The following MYLK3 variants were observed in gnomAD, a reference collection of about 807,000 sequenced individuals.
The protein encoded by MYLK3 is myosin light chain kinase 3.
MYLK3 carries 55 observed loss-of-function variants against 76.3 expected under a neutral mutation model. That is an observed-to-expected ratio of 0.72 (90% CI 0.58 to 0.90). The LOEUF (loss-of-function observed/expected upper bound fraction) is 0.90, where lower values mean the gene tolerates loss of function less well. Among genes scored for constraint, MYLK3 ranks in the 40% least tolerant of loss-of-function variants. The pLI, the probability that MYLK3 is intolerant of heterozygous loss-of-function variation, is 0.00. For synonymous variants in MYLK3, 416 were observed against 425.4 expected (o/e 0.98, Z 0.27); for missense variants, 973 against 1,053.6 (o/e 0.92, Z 1.06).
intron 9 of MYLK3, among the ~76,000 whole-genome samples, chr16:46,717,126 C>A (rs148044291): frequency 6.6e-6 from 1 of 152,212 alleles, no homozygotes; most frequent in South Asian, 2.1e-4. Context: ...GAGGCCTGCA[C>A]TTGTGACCAC....
rs1257372958 is a variant in MYLK3, at chr16:46,704,365, C to T, written c.*3339G>A. On this transcript the variant is annotated 3_prime_UTR_variant, in exon 13 of 13. Transcript: ENST00000394809. ...AAGTGCTGGGATTACAGATGTGAGCCACCATGCCTAGCCTTGACATGTGTT... is the reference window on the plus strand; with the variant it reads ...AAGTGCTGGGATTACAGATGTGAGCTACCATGCCTAGCCTTGACATGTGTT... 2 of 152,210 alleles carry T rather than the reference C, an allele frequency of 1.3e-5. No individual in the cohort carries two copies. The highest frequency in any genetic ancestry group is 6.5e-5 in the Admixed American group (1 of 15,282). The allele number at this position is 152,210 out of a possible 1,614,324, so 9.4% of individuals were successfully genotyped here. A position where few individuals can be genotyped will look rare whatever the true frequency, so the allele number is the denominator to read the frequency against.
At chr16:46,743,646 G>GA (rs765241806) in intron 1 of MYLK3, among the ~76,000 whole-genome samples, 1 of 152,150 alleles carries the variant, frequency 6.6e-6, no homozygotes, top group Non-Finnish European at 1.5e-5. Flanking sequence ...AATGGCACAA[G>GA]AACTCAGAAA....
chr16:46,719,860 T>G (rs2143013541), intron 9 of MYLK3, among the ~76,000 whole-genome samples: 1 of 152,338 alleles, frequency 6.6e-6, no homozygotes, highest in South Asian at 2.1e-4. Context: ...TCAGGCATTT[T>G]AAGAGACTAT....
Position 46,712,794 on chromosome 16 carries a change from G to T in MYLK3, c.1986-18C>A, listed in dbSNP as rs1182289272. The T allele has an allele frequency of 2.6e-6, 4 of 1,567,990 alleles. No individual in the cohort carries two copies. In the East Asian group the frequency reaches 7.0e-5, roughly 28 times the overall value. ...GCTTGTACCTGGGGAGAAGGGGAGG[G>T]TACAAAGAAGCATGGGGTGAGGCCT... On this transcript the variant is annotated intron_variant, in intron 9 of 12. Coordinates refer to ENST00000394809, the MANE Select transcript of MYLK3 (RefSeq NM_182493.3).
chr16:46,739,374 G>T (rs1448289340), intron 2 of MYLK3, among the ~76,000 whole-genome samples: 2 of 152,204 alleles, frequency 1.3e-5, no homozygotes, highest in African/African-American at 2.4e-5. Flanking sequence ...AAAATTAAAG[G>T]TTAAGAAAGT....
At chr16:46,707,795 A>G (rs1966641695) in intron 12 of MYLK3, 32 bp from the exon 13 acceptor site, 1 of 1,552,174 alleles carries the variant, frequency 6.4e-7, no homozygotes, top group South Asian at 1.1e-5. Flanking sequence ...AAGAAAAGAA[A>G]AAGCATGTAT....
chr16:46,733,160 G>A (rs1244199855), intron 3 of MYLK3, among the ~76,000 whole-genome samples: 2 of 152,142 alleles, frequency 1.3e-5, no homozygotes, highest in East Asian at 3.9e-4. Context: ...CCAGGAGTTT[G>A]AGACCAGCCT....
Position 46,738,044 on chromosome 16 carries a change from G to A in MYLK3, c.668C>T (p.Pro223Leu), listed in dbSNP as rs375694298. 9.9e-6 allele frequency: 16 copies of A among 1,610,260 alleles called. No individual in the cohort carries two copies. The highest frequency in any genetic ancestry group is 8.9e-5 in the East Asian group (4 of 44,838). Residue 223 changes from proline (P) to leucine (L), a missense_variant, in exon 3 of 13, where the codon CCG becomes CTG. Physicochemically the swap from Pro to Leu is moderately conservative, Grantham distance 98. Transcript: ENST00000394809. ...GCCAGGAACACCATCTCCCTGGCCC[G>A]GTGAGACCACTGCCTGGGCGGGGTC... The part of the protein sequence containing the change: ...GADPAQAVVS[P>L]GQGDGVPGPA...
intron 9 of MYLK3, among the ~76,000 whole-genome samples, chr16:46,716,531 G>A (rs1966742530): frequency 6.6e-6 from 1 of 150,380 alleles, no homozygotes; most frequent in Admixed American, 6.6e-5. Flanking sequence ...GTGTGTGTGT[G>A]TGTATGTTTA....
chr16:46,714,101 G>C (rs1161335792), intron 9 of MYLK3, among the ~76,000 whole-genome samples: 1 of 152,106 alleles, frequency 6.6e-6, no homozygotes, highest in East Asian at 1.9e-4. Flanking sequence ...AGTGGGAAAG[G>C]GGGGCAAACA....
At chr16:46,751,186 G>C (rs146240633), upstream of MYLK3, among the ~76,000 whole-genome samples, 11 of 152,096 alleles carry the variant, frequency 7.2e-5, no homozygotes, top group East Asian at 1.9e-3. Flanking sequence ...CAAGGCAGGC[G>C]AATCACTTGA....
intron 12 of MYLK3, 121 bp downstream of exon 12, chr16:46,709,418 T>A: frequency 8.9e-7 from 1 of 1,123,020 alleles, no homozygotes; most frequent in South Asian, 1.5e-5. Flanking sequence ...CAAGACCCTG[T>A]CTATAAAAAC....
At chr16:46,731,712 T>C (rs1966852880) in intron 4 of MYLK3, among the ~76,000 whole-genome samples, 1 of 152,176 alleles carries the variant, frequency 6.6e-6, no homozygotes, top group Admixed American at 6.5e-5. Context: ...CCAATTCATG[T>C]CTTCGCTTTT....
chr16:46,742,393 C>CA (rs1389144291), intron 1 of MYLK3, among the ~76,000 whole-genome samples: 1 of 148,478 alleles, frequency 6.7e-6, no homozygotes, highest in Non-Finnish European at 1.5e-5. Context: ...CCTGTCTCTA[C>CA]AAAAATACAA....
intron 1 of MYLK3, among the ~76,000 whole-genome samples, chr16:46,761,202 AG>A (rs1967272040): frequency 1.3e-5 from 2 of 152,196 alleles, no homozygotes. Context: ...GGAGCCTGGC[AG>A]GTGGGGGTGA....
At chr16:46,720,731 T>C (rs1225158416) in intron 9 of MYLK3, among the ~76,000 whole-genome samples, 1 of 152,150 alleles carries the variant, frequency 6.6e-6, no homozygotes, top group Non-Finnish European at 1.5e-5. Context: ...TTTAATCTGG[T>C]CATTTCCTGG....
At chr16:46,715,454 T>C (rs569804433) in intron 9 of MYLK3, among the ~76,000 whole-genome samples, 3 of 152,324 alleles carry the variant, frequency 2.0e-5, no homozygotes, top group Admixed American at 2.0e-4. Flanking sequence ...TCTCTTCATA[T>C]TCTTAGCTCA....
chr16:46,721,633 G>A (rs1966801155), intron 8 of MYLK3, among the ~76,000 whole-genome samples: 1 of 152,298 alleles, frequency 6.6e-6, no homozygotes, highest in East Asian at 1.9e-4. Context: ...CTCCCAAAAT[G>A]CTGGGCTTAC....
chr16:46,748,368 T>G, upstream of MYLK3: 1 of 1,205,204 alleles, frequency 8.3e-7, no homozygotes, highest in South Asian at 1.7e-5. This position sits in a 1 kb window ranked among gnomAD's most constrained non-coding sequence, Gnocchi z 4.3. Flanking sequence ...GCCCAGGTTC[T>G]TCCTGTGCCT....
Sources: gnomAD v4.1 joint callset for allele counts (sites outside exome capture counted in the v4.1 genomes callset) on GRCh38, gnomAD v4.1.1 for gene constraint, Gnocchi (gnomAD v3.1) non-coding constraint, MANE v1.5 for transcripts, NCBI Gene and HGNC (gene_info 2026-07-23, HGNC 2026-07-21) for gene names.